KCNIP4: variants seen among roughly 807,000 people sequenced by gnomAD.
The protein encoded by KCNIP4 is potassium voltage-gated channel interacting protein 4.
A neutral mutation model predicts 34.0 loss-of-function variants in KCNIP4; 12 were observed. The observed-to-expected ratio is 0.35, with a 90% confidence interval of 0.23 to 0.57. KCNIP4 has a LOEUF of 0.57. KCNIP4 is among the 20% of genes least tolerant of loss of function. The pLI is 0.83. For synonymous variants in KCNIP4, 124 were observed against 102.2 expected (o/e 1.21, Z -1.29); for missense variants, 238 against 311.7 (o/e 0.76, Z 1.78).
At chr4:21,283,566 T>C (rs796330122) in intron 1 of KCNIP4, among the ~76,000 whole-genome samples, 2 of 148,684 alleles carry the variant, frequency 1.3e-5, no homozygotes, top group African/African-American at 5.0e-5. Flanking sequence ...CATAAGTTTT[T>C]ACAGACAAAC....
At chr4:21,055,223 C>A (rs965037720) in intron 1 of KCNIP4, among the ~76,000 whole-genome samples, 2 of 152,128 alleles carry the variant, frequency 1.3e-5, no homozygotes, top group African/African-American at 4.8e-5. Flanking sequence ...TGAGATACCA[C>A]TAGAAATGTA....
rs1209716781 is a variant in KCNIP4 at position 21,291,929 on chromosome 4, AAG to A, written c.62-409222_62-409221del. On this transcript the variant is annotated intron_variant, in intron 1 of 8. Coordinates refer to ENST00000382152, the MANE Select transcript of KCNIP4 (RefSeq NM_025221.6). ...AAAGAAAGAAAGAAAGAAAGAAAGA[AAG>A]AAAGAAAAAAAAAGAAAAAAGTCTG... 1.5e-4 allele frequency among the ~76,000 whole-genome samples: 14 copies of A among 92,600 alleles called. 4 individuals carry two copies. Among genetic ancestry groups the A allele is most frequent in the Admixed American group, 3.1e-4 (3 of 9,662 alleles). The allele number at this position is 92,600 out of a possible 152,430, so 60.7% of individuals were successfully genotyped here. A position where few individuals can be genotyped will look rare whatever the true frequency, so the allele number is the denominator to read the frequency against.
intron 1 of KCNIP4, among the ~76,000 whole-genome samples, chr4:21,134,996 C>T (rs527313037): frequency 3.3e-5 from 5 of 152,328 alleles, no homozygotes; most frequent in African/African-American, 1.2e-4. Context: ...CAAATGGCAT[C>T]AGTAGAACTA....
intron 1 of KCNIP4, among the ~76,000 whole-genome samples, chr4:21,898,065 G>T (rs140384908): frequency 3.3e-5 from 5 of 151,362 alleles, no homozygotes; most frequent in African/African-American, 1.2e-4. Context: ...CAGCCAGTGT[G>T]GATGGAGGGA....
intron 1 of KCNIP4, among the ~76,000 whole-genome samples, chr4:21,574,525 G>T (rs1740595285): frequency 6.6e-6 from 1 of 152,074 alleles, no homozygotes; most frequent in Non-Finnish European, 1.5e-5. Flanking sequence ...TACAGGAGAT[G>T]TTCGGCAGCC....
At chr4:21,743,207 C>T (rs1577929157) in intron 1 of KCNIP4, among the ~76,000 whole-genome samples, 1 of 152,086 alleles carries the variant, frequency 6.6e-6, no homozygotes, top group South Asian at 2.1e-4. Flanking sequence ...CAAAATCGGT[C>T]TAATTGGGAT....
chr4:20,779,587 C>CT (rs1378576918), intron 3 of KCNIP4, among the ~76,000 whole-genome samples: 3 of 127,550 alleles, frequency 2.4e-5, no homozygotes, highest in Non-Finnish European at 3.3e-5. Flanking sequence ...CCCCCCCCCC[C>CT]CACACAAAAA....
chr4:20,941,721 T>G (rs781134390), intron 1 of KCNIP4, among the ~76,000 whole-genome samples: 9 of 152,362 alleles, frequency 5.9e-5, no homozygotes, highest in Non-Finnish European at 1.2e-4. Context: ...TTATTAGTTT[T>G]GTAATAGAGC....
rs181483730 is a variant in KCNIP4, at chr4:20,945,803, A to G, written c.62-63094T>C. ...TTAGAGTTCAGGCAGCCTGAGATCAACGGGTTTTATTTCAGATGATGTTCG... is the reference window on the plus strand; with the variant it reads ...TTAGAGTTCAGGCAGCCTGAGATCAGCGGGTTTTATTTCAGATGATGTTCG... On this transcript the variant is annotated intron_variant, in intron 1 of 8. Coordinates refer to ENST00000382152, the MANE Select transcript of KCNIP4 (RefSeq NM_025221.6). 2.6e-5 allele frequency among the ~76,000 whole-genome samples: 4 copies of G among 152,294 alleles called. No individual in the cohort carries two copies. In the East Asian group the frequency reaches 7.7e-4, roughly 29 times the overall value.
At chr4:20,910,729 A>G (rs1728246977) in intron 1 of KCNIP4, among the ~76,000 whole-genome samples, 1 of 152,150 alleles carries the variant, frequency 6.6e-6, no homozygotes, top group African/African-American at 2.4e-5. Flanking sequence ...ACTCTGTTCC[A>G]ACATAATTAT....
chr4:20,877,561 T>C (rs1178933442), intron 2 of KCNIP4, among the ~76,000 whole-genome samples: 1 of 152,190 alleles, frequency 6.6e-6, no homozygotes, highest in Non-Finnish European at 1.5e-5. Flanking sequence ...AGTTTCCTCA[T>C]ATGTAAAATA....
intron 1 of KCNIP4, among the ~76,000 whole-genome samples, chr4:21,208,057 G>T (rs1052623369): frequency 1.3e-5 from 2 of 151,740 alleles, no homozygotes; most frequent in Admixed American, 1.3e-4. Context: ...TACCCAGGCT[G>T]GTCTCGGACT....
chr4:21,766,669 GATT>G (rs1310556574), intron 1 of KCNIP4, among the ~76,000 whole-genome samples: 6 of 152,080 alleles, frequency 3.9e-5, no homozygotes, highest in East Asian at 3.9e-4. Context: ...GTAAAATAAA[GATT>G]ATTATTATCA....
intron 1 of KCNIP4, among the ~76,000 whole-genome samples, chr4:21,024,227 C>G (rs147627684): frequency 6.6e-6 from 1 of 152,038 alleles, no homozygotes; most frequent in African/African-American, 2.4e-5. Context: ...TTTTCCCTTG[C>G]GACGTCATTA....
At chr4:21,098,168 T>A (rs1016067726) in intron 1 of KCNIP4, among the ~76,000 whole-genome samples, 3 of 152,158 alleles carry the variant, frequency 2.0e-5, no homozygotes, top group African/African-American at 7.2e-5. Context: ...GAAGAAAAGT[T>A]TGAAGCTAAC....
At chr4:20,996,208 G>A (rs1737542103) in intron 1 of KCNIP4, among the ~76,000 whole-genome samples, 1 of 152,168 alleles carries the variant, frequency 6.6e-6, no homozygotes, top group South Asian at 2.1e-4. Flanking sequence ...ATAGCCGTAG[G>A]CCCAAGCCAC....
chr4:20,791,036 C>A (rs989492421), intron 3 of KCNIP4, among the ~76,000 whole-genome samples: 1 of 152,030 alleles, frequency 6.6e-6, no homozygotes, highest in African/African-American at 2.4e-5. Context: ...CTAAAATATT[C>A]TAAAATAAAG....
intron 1 of KCNIP4, among the ~76,000 whole-genome samples, chr4:21,522,650 T>A (rs1735637292): frequency 6.6e-6 from 1 of 152,076 alleles, no homozygotes; most frequent in South Asian, 2.1e-4. Flanking sequence ...GCAAAGTGGC[T>A]AAAATCATGA....
At chr4:21,060,644 C>T (rs1053614337) in intron 1 of KCNIP4, among the ~76,000 whole-genome samples, 1 of 152,144 alleles carries the variant, frequency 6.6e-6, no homozygotes, top group Non-Finnish European at 1.5e-5. Flanking sequence ...CAATAGAATG[C>T]TCATAAGTAA....
Sources: gnomAD v4.1 joint callset for allele counts (sites outside exome capture counted in the v4.1 genomes callset) on GRCh38, gnomAD v4.1.1 for gene constraint, MANE v1.5 for transcripts, NCBI Gene and HGNC (gene_info 2026-07-23, HGNC 2026-07-21) for gene names.